The following PXYLP1 variants were observed in gnomAD, a reference collection of about 807,000 sequenced individuals.
PXYLP1 encodes acid phosphatase-like 2.
A neutral mutation model predicts 37.9 loss-of-function variants in PXYLP1; 17 were observed. The ratio of observed to expected loss-of-function variants is 0.45; its 90% CI spans 0.31 to 0.67. The LOEUF is 0.67. Ranked by LOEUF, PXYLP1 falls within the 30% of genes least tolerant of loss-of-function variation. The probability of loss-of-function intolerance (pLI) is 0.07; values close to 1 mark genes in which losing one functional copy is unlikely to be tolerated. For missense variants in PXYLP1, 511 were observed against 612.0 expected (o/e 0.84, Z 1.74); for synonymous variants, 221 against 232.2 (o/e 0.95, Z 0.44).
chr3:141,289,317 T>C (rs1479389707), intron 5 of PXYLP1, among the ~76,000 whole-genome samples: 1 of 152,076 alleles, frequency 6.6e-6, no homozygotes, highest in East Asian at 1.9e-4. Flanking sequence ...TATTCAAATA[T>C]GTTTTGCACG....
intron 4 of PXYLP1, among the ~76,000 whole-genome samples, chr3:141,285,420 G>A (rs1344173253): frequency 6.6e-6 from 1 of 151,770 alleles, no homozygotes. Context: ...GGGATTACAG[G>A]CATGAGCCAC....
chr3:141,280,877 A>T (rs749769418), intron 4 of PXYLP1, among the ~76,000 whole-genome samples: 1 of 152,232 alleles, frequency 6.6e-6, no homozygotes, highest in Non-Finnish European at 1.5e-5. Context: ...TGAACCAAGC[A>T]CTAGCTGGCG....
chr3:141,248,023 GT>G (rs55888415), intron 1 of PXYLP1, among the ~76,000 whole-genome samples: 21 of 122,888 alleles, frequency 1.7e-4, no homozygotes, highest in Non-Finnish European at 2.0e-4. Flanking sequence ...TTTTTGTTTT[GT>G]TTTTTTTTTT....
chr3:141,268,216 T>G (rs983694411), intron 2 of PXYLP1, among the ~76,000 whole-genome samples: 1 of 144,558 alleles, frequency 6.9e-6, no homozygotes, highest in African/African-American at 2.6e-5. Context: ...AGTGTGTGTG[T>G]GTGTGTGTGT....
intron 2 of PXYLP1, among the ~76,000 whole-genome samples, chr3:141,263,302 A>G (rs75978752): frequency 0.036 from 5,491 of 152,328 alleles, 117 homozygotes; most frequent in Middle Eastern, 0.11. Flanking sequence ...TTCTCAAAAT[A>G]TGTTCATCTT....
At chr3:141,255,526 G>A (rs982157761) in intron 1 of PXYLP1, among the ~76,000 whole-genome samples, 25 of 152,248 alleles carry the variant, frequency 1.6e-4, no homozygotes, top group African/African-American at 5.1e-4. Context: ...CACCCTGCCG[G>A]TGAAGCAGGG....
chr3:141,245,384 A>T (rs1049771203), intron 1 of PXYLP1, among the ~76,000 whole-genome samples: 12 of 152,150 alleles, frequency 7.9e-5, no homozygotes, highest in Admixed American at 7.9e-4. Context: ...TCATTTTTAA[A>T]TGTATATTTC....
intron 1 of PXYLP1, among the ~76,000 whole-genome samples, chr3:141,249,960 T>G (rs1559882519): frequency 6.6e-6 from 1 of 151,844 alleles, no homozygotes; most frequent in African/African-American, 2.4e-5. Context: ...CTTTGTAGAG[T>G]TGGAAAAAAA....
chr3:141,267,734 G>A (rs1384193962), intron 2 of PXYLP1: 1 of 152,144 alleles, frequency 6.6e-6, no homozygotes, highest in Non-Finnish European at 1.5e-5. Flanking sequence ...AGAGTGTCAT[G>A]TAGCAGGTTC....
At chr3:141,248,665 A>G (rs1422885469) in intron 1 of PXYLP1, among the ~76,000 whole-genome samples, 4 of 53,032 alleles carry the variant, frequency 7.5e-5, no homozygotes, top group Non-Finnish European at 1.4e-4. Context: ...ACGTATATAT[A>G]CACACACGTG....
intron 4 of PXYLP1, among the ~76,000 whole-genome samples, chr3:141,284,633 C>T (rs190644815): frequency 3.3e-5 from 5 of 152,270 alleles, no homozygotes; most frequent in Admixed American, 2.6e-4. Context: ...ACAGAACCTG[C>T]GCACATTCTC....
chr3:141,268,168 GGAGAGAGAGAGAGAGAGA>G (rs142785821), intron 2 of PXYLP1, among the ~76,000 whole-genome samples: 90 of 129,676 alleles, frequency 6.9e-4, no homozygotes, highest in African/African-American at 2.7e-3. Context: ...GGTGGGTGGG[GGAGAGAGAGAGAGAGAGA>G]GAGAGAGAGA....
chr3:141,283,153 T>A lies in PXYLP1; in HGVS notation c.365+3649T>A, dbSNP rs866834634. Among the ~76,000 whole-genome samples the A allele has an allele frequency of 5.6e-3, 849 of 151,686 alleles. 4 individuals are homozygous for A. The highest frequency in any genetic ancestry group is 8.5e-3 in the South Asian group (41 of 4,808). On this transcript the variant is annotated intron_variant, in intron 4 of 5. Transcript: ENST00000286353. Reference sequence around the variant, plus strand: ...AGCTAATTTTTGTATTTTTTTTTTTTTTTATTTTTTAGTAGAGATGGGGTT... The same window carrying A: ...AGCTAATTTTTGTATTTTTTTTTTTATTTATTTTTTAGTAGAGATGGGGTT...
intron 1 of PXYLP1, among the ~76,000 whole-genome samples, chr3:141,257,012 A>G (rs1269434661): frequency 1.3e-5 from 2 of 152,236 alleles, no homozygotes; most frequent in Non-Finnish European, 2.9e-5. Context: ...AACCTAACGT[A>G]TTTAAATCTA....
intron 5 of PXYLP1, among the ~76,000 whole-genome samples, chr3:141,289,390 A>G (rs1371299394): frequency 2.0e-5 from 3 of 152,122 alleles, no homozygotes; most frequent in African/African-American, 7.2e-5. Context: ...TCCCTTCTGG[A>G]GACCAGCCCC....
intron 2 of PXYLP1, among the ~76,000 whole-genome samples, chr3:141,271,498 T>C (rs1941662979): frequency 1.3e-5 from 2 of 152,214 alleles, no homozygotes; most frequent in South Asian, 4.1e-4. Flanking sequence ...AAGAGGTTCT[T>C]TGCTGGTGTA....
intron 1 of PXYLP1, among the ~76,000 whole-genome samples, chr3:141,256,976 A>G (rs369514281): frequency 6.6e-6 from 1 of 152,244 alleles, no homozygotes; most frequent in African/African-American, 2.4e-5. Context: ...GCAGTCAGGC[A>G]GTTACACGAT....
chr3:141,249,913 G>A (rs73232936), intron 1 of PXYLP1, among the ~76,000 whole-genome samples: 5,296 of 152,140 alleles, frequency 0.035, 158 homozygotes, highest in South Asian at 0.12. Context: ...GTCTGTTCTG[G>A]CCCTGAGAAA....
intron 1 of PXYLP1, among the ~76,000 whole-genome samples, chr3:141,233,169 G>A (rs1234891158): frequency 5.9e-5 from 9 of 152,132 alleles, no homozygotes; most frequent in African/African-American, 1.7e-4. Context: ...GGGATTTATA[G>A]CAGATGGATC....
Sources: gnomAD v4.1 joint callset for allele counts (sites outside exome capture counted in the v4.1 genomes callset) on GRCh38, gnomAD v4.1.1 for gene constraint, MANE v1.5 for transcripts, NCBI Gene and HGNC (gene_info 2026-07-23, HGNC 2026-07-21) for gene names.